Variants in AKAP13 observed in about 807,000 individuals in gnomAD.
AKAP13 encodes A-kinase anchor protein 13.
AKAP13 carries 80 observed loss-of-function variants against 264.5 expected under a neutral mutation model. That is an observed-to-expected ratio of 0.30 (90% CI 0.25 to 0.36). The LOEUF is 0.36. Among genes scored for constraint, AKAP13 ranks in the 10% least tolerant of loss-of-function variants. The pLI, the probability that AKAP13 is intolerant of heterozygous loss-of-function variation, is 1.00. For missense variants in AKAP13, 3,712 were observed against 3,435.2 expected, an observed-to-expected ratio of 1.08 and a Z score of -2.01; for synonymous variants, 1,380 against 1,250.2, an observed-to-expected ratio of 1.10 and a Z score of -2.19.
chr15:85,693,199 A>T (rs1045844334), intron 16 of AKAP13, 78 bp from the exon 17 acceptor site: 1 of 1,436,656 alleles, frequency 7.0e-7, no homozygotes, highest in Non-Finnish European at 9.1e-7. Context: ...TGTTAACCAC[A>T]TGCCATCTGG....
At chr15:85,496,268 G>A (rs7164472) in intron 2 of AKAP13, among the ~76,000 whole-genome samples, 2,513 of 152,188 alleles carry the variant, frequency 0.017, 28 homozygotes, top group African/African-American at 0.024. Context: ...TTTAGATCTC[G>A]AGAAAAGCTT....
At chr15:85,420,302 G>A (rs1043804461) in intron 1 of AKAP13, among the ~76,000 whole-genome samples, 3 of 151,714 alleles carry the variant, frequency 2.0e-5, no homozygotes, top group Non-Finnish European at 2.9e-5. Context: ...GCTTCAAGAC[G>A]TAGACTGTTG....
At chr15:85,520,564 A>G (rs1236616907) in intron 2 of AKAP13, 1 of 462,602 alleles carries the variant, frequency 2.2e-6, no homozygotes, top group East Asian at 5.8e-5. Context: ...AGTAGTTGCA[A>G]AGTCATAGAC....
rs372155903 is a variant in AKAP13 at position 85,711,509 on chromosome 15, A to G, written c.5599+864A>G. The stretch of plus-strand genomic sequence containing the variant: ...TGACTTATGCTTATATGTTCTGCTT[A>G]TTTTTTTCACTCAATATTGTTTTGA... On this transcript the variant is annotated intron_variant, in intron 19 of 36. Transcript: ENST00000394518. Among the ~76,000 whole-genome samples the G allele has an allele frequency of 4.7e-4, 72 of 152,062 alleles. No homozygotes were observed. The East Asian group carries it at 0.012, about 25-fold the overall frequency.
intron 8 of AKAP13, among the ~76,000 whole-genome samples, chr15:85,636,615 A>ATTTTTTTTTTTT (rs34550876): frequency 6.7e-6 from 1 of 148,428 alleles, no homozygotes. Flanking sequence ...AATTTTGCTG[A>ATTTTTTTTTTTT]TTTTTTTTTT....
At chr15:85,587,857 A>G (rs775668139) in intron 8 of AKAP13, among the ~76,000 whole-genome samples, 9 of 152,156 alleles carry the variant, frequency 5.9e-5, no homozygotes, top group Non-Finnish European at 1.3e-4. Flanking sequence ...CATATTGGCC[A>G]GGCTGGTCTC....
chr15:85,575,192 T>C lies in AKAP13; in HGVS notation c.724T>C (p.Cys242Arg). 1 of 1,614,162 alleles carries C rather than the reference T, an allele frequency of 6.2e-7. No individual in the cohort carries two copies. The highest frequency in any genetic ancestry group is 8.5e-7 in the Non-Finnish European group (1 of 1,180,024). Reference sequence around the variant, plus strand: ...ATCCTATGAAATACCGTATGGAGACTGTTCTGTGAGGCATCATCGAGAGTT... The same window carrying C: ...ATCCTATGAAATACCGTATGGAGACCGTTCTGTGAGGCATCATCGAGAGTT... ...SLSYEIPYGDCSVRHHRELDI... is the reference protein window; with the variant it reads ...SLSYEIPYGDRSVRHHRELDI... Residue 242 changes from cysteine to arginine, a missense_variant, in exon 6 of 37, where the codon TGT (cysteine) becomes CGT (arginine). Physicochemically the swap from Cys to Arg is radical, Grantham distance 180. Around this residue, in one of 3 missense-constraint regions of AKAP13, gnomAD observed 2,759 missense variants for 2,411.7 expected, o/e 1.14. Coordinates refer to ENST00000394518, the MANE Select transcript of AKAP13 (RefSeq NM_007200.5).
At chr15:85,516,123 A>G (rs914882216) in intron 2 of AKAP13, among the ~76,000 whole-genome samples, 1 of 152,180 alleles carries the variant, frequency 6.6e-6, no homozygotes, top group African/African-American at 2.4e-5. Flanking sequence ...GCAACTTACT[A>G]GTCTAGACAA....
Position 85,556,862 on chromosome 15 carries a change from A to G in AKAP13, c.662+12907A>G, listed in dbSNP as rs569952086. ...AGAAGAAGCCGCCATTTCCAGTCGA[A>G]GACATTTTCTACCATAAGCACCTGT... On this transcript the variant is annotated intron_variant, in intron 5 of 36. Transcript: ENST00000394518. Among the ~76,000 whole-genome samples, 3 of 152,306 alleles carry G rather than the reference A, an allele frequency of 2.0e-5. No homozygotes were observed. In the South Asian group the frequency reaches 6.2e-4, roughly 32 times the overall value.
chr15:85,665,542 TTTACAC>T (rs1212077158), intron 13 of AKAP13, among the ~76,000 whole-genome samples: 1 of 152,170 alleles, frequency 6.6e-6, no homozygotes, highest in African/African-American at 2.4e-5. Context: ...AATTATTATT[TTTACAC>T]TTTAAGTTCT....
At chr15:85,573,586 T>C (rs2078901226) in intron 5 of AKAP13, among the ~76,000 whole-genome samples, 1 of 148,240 alleles carries the variant, frequency 6.7e-6, no homozygotes, top group African/African-American at 2.5e-5. Context: ...TGATATGATA[T>C]GGGATATTCA....
In AKAP13 at chr15:85,718,288, C is replaced by CTT; in HGVS notation, c.6001+131_6001+132dup. 2.6e-6 allele frequency: 3 copies of CTT among 1,137,810 alleles called. No homozygotes were observed. Among genetic ancestry groups the CTT allele is most frequent in the Non-Finnish European group, 3.7e-6 (3 of 809,012 alleles). 70.5% of individuals were successfully genotyped at this position (1,137,810 alleles called of 1,614,324 possible). A position where few individuals can be genotyped will look rare whatever the true frequency, so the allele number is the denominator to read the frequency against. On this transcript the variant is annotated intron_variant, in intron 22 of 36. Transcript: ENST00000394518. The surrounding 1 kb of genome is among the most constrained non-coding windows in gnomAD (Gnocchi z 4.9). Reference sequence around the variant, plus strand: ...TTCTTGAAAAGATTTCCTTTAAAAACTTTAAGGTACAGAGACGTGGTCCTG... The same window carrying CTT: ...TTCTTGAAAAGATTTCCTTTAAAAACTTTTTAAGGTACAGAGACGTGGTCCTG...
intron 30 of AKAP13, 37 bp from the exon 31 acceptor site, chr15:85,734,955 G>A (rs752512534): frequency 2.5e-6 from 4 of 1,600,370 alleles, no homozygotes; most frequent in Admixed American, 1.7e-5. Context: ...CTCATTGAAA[G>A]ATAAGATGTC....
At chr15:85,714,376 G>A (rs1457193125) in intron 19 of AKAP13, among the ~76,000 whole-genome samples, 1 of 152,160 alleles carries the variant, frequency 6.6e-6, no homozygotes, top group Non-Finnish European at 1.5e-5. Context: ...CATATAAGGG[G>A]ATCTATGTAG....
chr15:85,615,117 A>G (rs1191047242), intron 8 of AKAP13, among the ~76,000 whole-genome samples: 1 of 152,232 alleles, frequency 6.6e-6, no homozygotes, highest in East Asian at 1.9e-4. Context: ...TTACGAAGAT[A>G]CTTTTTTCTT....
At chr15:85,612,587 C>T (rs950646762) in intron 8 of AKAP13, among the ~76,000 whole-genome samples, 27 of 152,058 alleles carry the variant, frequency 1.8e-4, no homozygotes, top group African/African-American at 6.3e-4. Context: ...TTTGGGAGGC[C>T]GAGGCGGGTG....
At chr15:85,701,433 G>C (rs2085903972) in intron 17 of AKAP13, among the ~76,000 whole-genome samples, 1 of 151,586 alleles carries the variant, frequency 6.6e-6, no homozygotes, top group South Asian at 2.1e-4. Flanking sequence ...ATATTTGAGG[G>C]GTTTTTTTTG....
intron 30 of AKAP13, among the ~76,000 whole-genome samples, chr15:85,731,875 G>A (rs1368932512): frequency 4.6e-5 from 7 of 152,134 alleles, no homozygotes; most frequent in South Asian, 4.2e-4. Context: ...TGAGGGTCAG[G>A]AGTTCAAGAC....
intron 8 of AKAP13, among the ~76,000 whole-genome samples, chr15:85,631,174 G>T (rs1021452311): frequency 2.6e-5 from 4 of 152,160 alleles, no homozygotes; most frequent in African/African-American, 9.7e-5. Context: ...AACCCAGCAT[G>T]AAAGACCAAA....
Sources: gnomAD v4.1 joint callset for allele counts (sites outside exome capture counted in the v4.1 genomes callset) on GRCh38, gnomAD v4.1.1 for gene constraint, gnomAD v4.1.1 regional missense constraint, Gnocchi (gnomAD v3.1) non-coding constraint, MANE v1.5 for transcripts, NCBI Gene and HGNC (gene_info 2026-07-23, HGNC 2026-07-21) for gene names.